Variants in EXOC4 observed in about 807,000 individuals in gnomAD.
EXOC4 encodes SEC8-like 1.
Under a neutral mutation model 107.2 loss-of-function variants are expected in EXOC4, and 71 were observed. That is an observed-to-expected ratio of 0.66 (90% confidence interval 0.55 to 0.81). EXOC4 has a LOEUF of 0.81. EXOC4 is among the 30% of genes least tolerant of loss of function. EXOC4 has a pLI of 0.00. For synonymous variants in EXOC4, 456 were observed against 441.2 expected, an observed-to-expected ratio of 1.03 and a Z score of -0.42; for missense variants, 1,108 against 1,189.6, an observed-to-expected ratio of 0.93 and a Z score of 1.01.
At chr7:133,735,879 T>C (rs1487713384) in intron 10 of EXOC4, among the ~76,000 whole-genome samples, 1 of 151,952 alleles carries the variant, frequency 6.6e-6, no homozygotes, top group Non-Finnish European at 1.5e-5. Context: ...TTGAGGTTAG[T>C]TCGAAACCAG....
chr7:133,590,969 A>G (rs952777554), intron 9 of EXOC4, among the ~76,000 whole-genome samples: 4 of 152,112 alleles, frequency 2.6e-5, no homozygotes, highest in Non-Finnish European at 4.4e-5. Flanking sequence ...ACACTGCTAC[A>G]TGGCTGATAC....
intron 10 of EXOC4, among the ~76,000 whole-genome samples, chr7:133,648,928 T>G (rs1489642799): frequency 1.3e-5 from 2 of 152,202 alleles, no homozygotes; most frequent in Non-Finnish European, 2.9e-5. Context: ...TACCTGTGCT[T>G]TCCCATTTAG....
At chr7:133,897,018 T>G (rs1359121405) in intron 12 of EXOC4, among the ~76,000 whole-genome samples, 2 of 149,344 alleles carry the variant, frequency 1.3e-5, no homozygotes, top group Non-Finnish European at 3.0e-5. Flanking sequence ...GGAACAGAGT[T>G]CCTATTAGAA....
intron 14 of EXOC4, among the ~76,000 whole-genome samples, chr7:133,971,334 GTATATATA>G (rs1206467959): frequency 2.2e-4 from 9 of 41,790 alleles, no homozygotes; most frequent in Admixed American, 4.9e-4. Context: ...GGGAAAATGT[GTATATATA>G]TATATATATA....
At chr7:133,880,630 T>A (rs1297232496) in intron 11 of EXOC4, among the ~76,000 whole-genome samples, 1 of 152,224 alleles carries the variant, frequency 6.6e-6, no homozygotes, top group Non-Finnish European at 1.5e-5. Flanking sequence ...TATGGTCTAA[T>A]TAAGCACAAC....
chr7:133,874,506 C>T lies in EXOC4; in HGVS notation c.1735-21093C>T, dbSNP rs551672963. Among the ~76,000 whole-genome samples, 5 of 152,298 alleles carry T rather than the reference C, an allele frequency of 3.3e-5. No homozygotes were observed. The South Asian group carries it at 1.0e-3, about 32-fold the overall frequency. ...GTGTGTACACTGGCACACTTGCTTG[C>T]ACACTCTCTCCCTCAAACAGTTCCA... On this transcript the variant is annotated intron_variant, in intron 11 of 17. Transcript: ENST00000253861.
At chr7:133,763,344 C>G (rs116650611) in intron 10 of EXOC4, among the ~76,000 whole-genome samples, 2 of 152,106 alleles carry the variant, frequency 1.3e-5, no homozygotes, top group Non-Finnish European at 2.9e-5. Context: ...GTCTGTATCC[C>G]TTTCACCTAG....
chr7:133,831,846 C>T (rs906681506), intron 11 of EXOC4, among the ~76,000 whole-genome samples: 1 of 152,052 alleles, frequency 6.6e-6, no homozygotes, highest in Non-Finnish European at 1.5e-5. Flanking sequence ...TATATGTAAC[C>T]ATTTACGTCT....
intron 9 of EXOC4, among the ~76,000 whole-genome samples, chr7:133,560,275 T>C (rs370344592): frequency 1.3e-5 from 2 of 152,036 alleles, no homozygotes; most frequent in South Asian, 2.1e-4. Context: ...ATTTTGAGAT[T>C]TTATTTTATT....
chr7:134,033,918 G>A (rs941230637), intron 17 of EXOC4, among the ~76,000 whole-genome samples: 1 of 152,194 alleles, frequency 6.6e-6, no homozygotes, highest in Non-Finnish European at 1.5e-5. Flanking sequence ...CATCCAAACA[G>A]TGTATCGGCC....
intron 7 of EXOC4, among the ~76,000 whole-genome samples, chr7:133,451,520 T>C (rs1798347778): frequency 1.3e-5 from 2 of 152,174 alleles, no homozygotes; most frequent in African/African-American, 4.8e-5. Flanking sequence ...GAAAATTATT[T>C]CTCTTGTATT....
At chr7:133,467,088 G>A (rs1017045133) in intron 7 of EXOC4, among the ~76,000 whole-genome samples, 3 of 151,994 alleles carry the variant, frequency 2.0e-5, no homozygotes, top group Non-Finnish European at 4.4e-5. Flanking sequence ...AAGTTCACGG[G>A]CGTATATTCC....
At chr7:133,740,759 T>C (rs751890035) in intron 10 of EXOC4, among the ~76,000 whole-genome samples, 13 of 152,072 alleles carry the variant, frequency 8.5e-5, no homozygotes, top group Non-Finnish European at 1.9e-4. Flanking sequence ...ATACAGAGAG[T>C]TTACATATGT....
chr7:133,820,959 C>G (rs1402934919), intron 11 of EXOC4, among the ~76,000 whole-genome samples: 2 of 152,226 alleles, frequency 1.3e-5, no homozygotes, highest in East Asian at 1.9e-4. Flanking sequence ...ATTTCACTTT[C>G]TAGGCACAGG....
chr7:133,432,802 T>C (rs1797885316), intron 7 of EXOC4, among the ~76,000 whole-genome samples: 1 of 152,210 alleles, frequency 6.6e-6, no homozygotes, highest in Admixed American at 6.5e-5. Flanking sequence ...CTTTTCTTTG[T>C]AATTCTGCTG....
At chr7:133,394,934 G>T (rs926160345) in intron 7 of EXOC4, among the ~76,000 whole-genome samples, 5 of 151,756 alleles carry the variant, frequency 3.3e-5, no homozygotes, top group Admixed American at 6.6e-5. Context: ...AGGGAAAAAA[G>T]AAACTATAAA....
At position 133,422,998 on chromosome 7, in the gene EXOC4, C is replaced by T. The variant is rs1431423730; in HGVS notation, c.1182+47996C>T. Among the ~76,000 whole-genome samples the T allele has an allele frequency of 1.0e-4, 4 of 39,874 alleles. 2 individuals are homozygous for T. The highest frequency in any genetic ancestry group is 4.1e-3 in the East Asian group (2 of 482). The allele number at this position is 39,874 out of a possible 152,430, so 26.2% of individuals were successfully genotyped here. A position where few individuals can be genotyped will look rare whatever the true frequency, so the allele number is the denominator to read the frequency against. On this transcript the variant is annotated intron_variant, in intron 7 of 17. Transcript: ENST00000253861. ...CTTTGGGAGGCCGAGGCGGGTGGAT[C>T]ATGAGGTCAGGAGATCGAGACCATC...
chr7:133,446,725 G>A (rs1798229504), intron 7 of EXOC4, among the ~76,000 whole-genome samples: 1 of 152,128 alleles, frequency 6.6e-6, no homozygotes, highest in African/African-American at 2.4e-5. Flanking sequence ...ATCCTCATAG[G>A]TAATTTCAGA....
In EXOC4 at chr7:133,773,463, T is replaced by TA. The variant is rs1393549265; in HGVS notation, c.1515-43862_1515-43861insA. ...CTGTTAATCTGTGTATTTACTAGGT[T>TA]TTTATTATTATTATTATTATTATTA... On this transcript the variant is annotated intron_variant, in intron 10 of 17. Transcript: ENST00000253861. 1.8e-3 allele frequency among the ~76,000 whole-genome samples: 270 copies of TA among 148,346 alleles called. 2 individuals are homozygous for TA. Among genetic ancestry groups the TA allele is most frequent in the African/African-American group, 6.4e-3 (252 of 39,132 alleles).
Sources: allele counts gnomAD v4.1 joint callset (sites outside exome capture counted in the v4.1 genomes callset), GRCh38; gene constraint gnomAD v4.1.1; transcripts MANE v1.5; gene names NCBI Gene and HGNC (gene_info 2026-07-23, HGNC 2026-07-21).